GALNT13: variants seen among roughly 807,000 people sequenced by gnomAD.
The protein encoded by GALNT13 is polypeptide N-acetylgalactosaminyltransferase 13.
GALNT13 carries 28 observed loss-of-function variants against 64.2 expected under a neutral mutation model. The ratio of observed to expected loss-of-function variants is 0.44; its 90% CI spans 0.32 to 0.60. The LOEUF (loss-of-function observed/expected upper bound fraction) is 0.60. Among genes scored for constraint, GALNT13 ranks in the 20% least tolerant of loss-of-function variants. The probability of loss-of-function intolerance (pLI) is 0.05; values close to 1 mark genes in which losing one functional copy is unlikely to be tolerated. For missense variants in GALNT13, 577 were observed against 669.8 expected (o/e 0.86, Z 1.53); for synonymous variants, 214 against 224.6 (o/e 0.95, Z 0.42).
chr2:153,820,170 TA>T, the GALNT13 span, among the ~76,000 whole-genome samples: 1 of 152,162 alleles, frequency 6.6e-6, no homozygotes, highest in Non-Finnish European at 1.5e-5. Context: ...TGGTCTTTTT[TA>T]AAAACAAACA....
chr2:153,529,852 A>T, the GALNT13 span, among the ~76,000 whole-genome samples: 1 of 152,054 alleles, frequency 6.6e-6, no homozygotes, highest in African/African-American at 2.4e-5. Flanking sequence ...AAAGTTAAAC[A>T]TTCCTCCATG....
chr2:153,998,628 T>G (rs1293694505), intron 3 of GALNT13, among the ~76,000 whole-genome samples: 1 of 152,218 alleles, frequency 6.6e-6, no homozygotes, highest in Non-Finnish European at 1.5e-5. Context: ...TCTTTTGCTG[T>G]GTAGAAGCTC....
the GALNT13 span, among the ~76,000 whole-genome samples, chr2:153,100,971 G>A: frequency 6.6e-6 from 1 of 152,158 alleles, no homozygotes; most frequent in Non-Finnish European, 1.5e-5. Context: ...AGAGGTTGCA[G>A]TGAGCCAAGA....
chr2:153,719,723 A>C, the GALNT13 span, among the ~76,000 whole-genome samples: 550 of 151,806 alleles, frequency 3.6e-3, 8 homozygotes, highest in African/African-American at 0.013. Context: ...AAATCGGGTC[A>C]CTCCCACCCG....
chr2:153,552,632 A>G, the GALNT13 span, among the ~76,000 whole-genome samples: 3 of 135,972 alleles, frequency 2.2e-5, no homozygotes, highest in East Asian at 6.4e-4. Flanking sequence ...GGCATCATTG[A>G]CAATTAGGAA....
the GALNT13 span, among the ~76,000 whole-genome samples, chr2:153,294,878 T>G: frequency 1.3e-5 from 2 of 152,184 alleles, no homozygotes; most frequent in Non-Finnish European, 2.9e-5. Flanking sequence ...AAAAAGTTTT[T>G]TCACTGTATC....
intron 2 of GALNT13, among the ~76,000 whole-genome samples, chr2:153,905,316 A>G (rs1011686818): frequency 6.6e-6 from 1 of 151,992 alleles, no homozygotes; most frequent in Non-Finnish European, 1.5e-5. Flanking sequence ...ACACATTCCA[A>G]GATCCCCAGT....
intron 9 of GALNT13, among the ~76,000 whole-genome samples, chr2:154,317,464 A>G (rs1018201024): frequency 6.6e-6 from 1 of 152,210 alleles, no homozygotes; most frequent in African/African-American, 2.4e-5. Flanking sequence ...GAATTGAATA[A>G]GAAGCTGGAT....
At chr2:153,865,506 G>T in the GALNT13 span, among the ~76,000 whole-genome samples, 1 of 128,106 alleles carries the variant, frequency 7.8e-6, no homozygotes, top group Non-Finnish European at 1.6e-5. Flanking sequence ...CGAAGGACAT[G>T]AACAGACACT....
chr2:154,064,571 T>G (rs1347191641), intron 3 of GALNT13, among the ~76,000 whole-genome samples: 3 of 151,590 alleles, frequency 2.0e-5, no homozygotes, highest in Non-Finnish European at 2.9e-5. Context: ...CTGGGCAGAG[T>G]CATGATGGTC....
chr2:154,232,912 T>C (rs758247529), intron 4 of GALNT13, among the ~76,000 whole-genome samples: 10 of 149,884 alleles, frequency 6.7e-5, no homozygotes, highest in Non-Finnish European at 1.0e-4. Flanking sequence ...AGTGGTGGCA[T>C]GTGCCTGTAG....
At chr2:154,201,804 T>C (rs893673657) in intron 4 of GALNT13, among the ~76,000 whole-genome samples, 1 of 152,150 alleles carries the variant, frequency 6.6e-6, no homozygotes, top group Admixed American at 6.6e-5. Flanking sequence ...ATTGAGCAAG[T>C]ATGTCCCAAA....
the GALNT13 span, among the ~76,000 whole-genome samples, chr2:153,518,094 A>G: frequency 6.6e-6 from 1 of 152,092 alleles, no homozygotes; most frequent in Admixed American, 6.5e-5. Context: ...TTCTTCCTGG[A>G]TATACTGCCC....
At chr2:153,666,249 G>T in the GALNT13 span, among the ~76,000 whole-genome samples, 3 of 152,066 alleles carry the variant, frequency 2.0e-5, no homozygotes, top group East Asian at 5.8e-4. Context: ...AGATTGCTTT[G>T]CCAGCACATG....
the GALNT13 span, among the ~76,000 whole-genome samples, chr2:153,589,505 T>C: frequency 2.6e-5 from 4 of 152,192 alleles, no homozygotes; most frequent in South Asian, 4.1e-4. Context: ...TTTTCAGCAG[T>C]GCCCCACTCT....
chr2:154,044,344 G>A lies in GALNT13; in HGVS notation c.143-95993G>A, dbSNP rs190228931. 8.8e-4 allele frequency among the ~76,000 whole-genome samples: 134 copies of A among 152,242 alleles called. 1 individual carries two copies. Among genetic ancestry groups the A allele is most frequent in the Non-Finnish European group, 1.0e-3 (71 of 68,010 alleles). ...GAAACCTTGATTAAAAAGATACCTC[G>A]TCAATTATCTGAAGGATAAGGGAAG... On this transcript the variant is annotated intron_variant, in intron 3 of 12. Transcript: ENST00000392825.
the GALNT13 span, among the ~76,000 whole-genome samples, chr2:153,111,179 G>A: frequency 3.3e-5 from 5 of 152,000 alleles, no homozygotes; most frequent in Non-Finnish European, 5.9e-5. Context: ...GATTTAAAAG[G>A]ATCTATCTTT....
In GALNT13 at chr2:154,446,685, C is replaced by T. The variant is rs1036248530; in HGVS notation, c.1531-3726C>T. 3 of 1,548,288 alleles carry T rather than the reference C, an allele frequency of 1.9e-6. No homozygotes were observed. In the African/African-American group the frequency reaches 4.1e-5, roughly 21 times the overall value. The stretch of plus-strand genomic sequence containing the variant: ...TGATAGCACTTTGCAAAAATGGCTA[C>T]TAAGAAACTATACAAGAATGGAAAT... On this transcript the variant is annotated intron_variant, in intron 12 of 12. Coordinates refer to ENST00000392825, the MANE Select transcript of GALNT13 (RefSeq NM_052917.4).
chr2:154,106,814 A>T (rs1261436785), intron 3 of GALNT13, among the ~76,000 whole-genome samples: 1 of 152,080 alleles, frequency 6.6e-6, no homozygotes, highest in Non-Finnish European at 1.5e-5. Flanking sequence ...GTTCAATGGG[A>T]TACGTAAGTC....
Sources: gnomAD v4.1 joint callset for allele counts (sites outside exome capture counted in the v4.1 genomes callset) on GRCh38, gnomAD v4.1.1 for gene constraint, MANE v1.5 for transcripts, NCBI Gene and HGNC (gene_info 2026-07-23, HGNC 2026-07-21) for gene names.